Variants in RBPMS observed in about 807,000 individuals in gnomAD.
RBPMS encodes RNA-binding protein with multiple splicing.
A neutral mutation model predicts 26.8 loss-of-function variants in RBPMS; 7 were observed. That is an observed-to-expected ratio of 0.26 (90% CI 0.15 to 0.49). The LOEUF (loss-of-function observed/expected upper bound fraction) is 0.49, where lower values mean the gene tolerates loss of function less well. Ranked by LOEUF, RBPMS falls within the 20% of genes least tolerant of loss-of-function variation. The pLI is 0.98. For missense variants in RBPMS, 186 were observed against 250.0 expected (o/e 0.74, Z 1.73); for synonymous variants, 96 against 93.3 (o/e 1.03, Z -0.17).
chr8:30,549,443 C>G (rs1826115529), intron 6 of RBPMS: 8 of 1,450,080 alleles, frequency 5.5e-6, no homozygotes, highest in Non-Finnish European at 7.8e-6. Flanking sequence ...CCATTGTTTT[C>G]AGACATAAAT....
At chr8:30,564,424 C>G (rs767969979) in intron 7 of RBPMS, 10 of 152,232 alleles carry the variant, frequency 6.6e-5, no homozygotes, top group Non-Finnish European at 1.5e-4. Flanking sequence ...GCTCTGGAGT[C>G]TGTTATGGTT....
chr8:30,520,019 T>G (rs1822860593), intron 5 of RBPMS, among the ~76,000 whole-genome samples: 1 of 152,168 alleles, frequency 6.6e-6, no homozygotes, highest in Non-Finnish European at 1.5e-5. Context: ...CTGTGTACTT[T>G]ATATGACATC....
At chr8:30,448,724 A>G (rs1563328510) in intron 1 of RBPMS, among the ~76,000 whole-genome samples, 1 of 152,214 alleles carries the variant, frequency 6.6e-6, no homozygotes, top group African/African-American at 2.4e-5. Flanking sequence ...TGTTGAACCA[A>G]GTTATTTTGA....
rs1306396224 is a variant in RBPMS at position 30,469,550 on chromosome 8, T to C, written c.67-5229T>C. Among the ~76,000 whole-genome samples, 3 of 152,270 alleles carry C rather than the reference T, an allele frequency of 2.0e-5. No individual in the cohort carries two copies. The East Asian group carries it at 5.8e-4, about 29-fold the overall frequency. On this transcript the variant is annotated intron_variant, in intron 1 of 8. Transcript: ENST00000397323. ...TTGAAGGTACATCTACAAATCTTTTTGAGTCTCTTTGGGACAAAGCTGTCA... is the reference window on the plus strand; with the variant it reads ...TTGAAGGTACATCTACAAATCTTTTCGAGTCTCTTTGGGACAAAGCTGTCA...
At chr8:30,428,064 A>C (rs1048188681) in intron 1 of RBPMS, among the ~76,000 whole-genome samples, 23 of 128,632 alleles carry the variant, frequency 1.8e-4, no homozygotes, top group African/African-American at 6.3e-4. Context: ...TTACTCTGTC[A>C]CCAGGCTGGA....
At chr8:30,556,043 A>C in intron 6 of RBPMS, 1 of 985,446 alleles carries the variant, frequency 1.0e-6, no homozygotes. Context: ...AGCTGGGCGC[A>C]GCGGAGCCTC....
chr8:30,449,232 G>T (rs1187236497), intron 1 of RBPMS, among the ~76,000 whole-genome samples: 1 of 152,092 alleles, frequency 6.6e-6, no homozygotes, highest in African/African-American at 2.4e-5. Flanking sequence ...TGTTGTTGTT[G>T]TTTTTGTTTA....
At chr8:30,445,467 T>G (rs1813618398) in intron 1 of RBPMS, 1 of 151,970 alleles carries the variant, frequency 6.6e-6, no homozygotes, top group African/African-American at 2.4e-5. Context: ...TTGGCTTATA[T>G]CTGAAGAACT....
intron 1 of RBPMS, among the ~76,000 whole-genome samples, chr8:30,435,801 T>C (rs976830823): frequency 5.3e-5 from 8 of 152,030 alleles, no homozygotes; most frequent in Non-Finnish European, 8.8e-5. Context: ...CAACCTTTGG[T>C]TAGATAATTA....
In RBPMS at chr8:30,571,207, A is replaced by AG. The variant is rs886874521; in HGVS notation, c.*684dup. On this transcript the variant is annotated 3_prime_UTR_variant, in exon 9 of 9. Coordinates refer to ENST00000397323, the MANE Select transcript of RBPMS (RefSeq NM_001008710.3). ...GCAAGACAATCAACCAGAAGCCTCC[A>AG]GGAGCTTCTACCTATGGCTTATTCA... The AG allele has an allele frequency of 6.6e-6, 1 of 152,224 alleles. No individual in the cohort carries two copies. Among genetic ancestry groups the AG allele is most frequent in the South Asian group, 2.1e-4 (1 of 4,834 alleles). 9.4% of individuals were successfully genotyped at this position (152,224 alleles called of 1,614,324 possible).
chr8:30,506,554 C>T (rs370935871), intron 5 of RBPMS, among the ~76,000 whole-genome samples: 11 of 152,216 alleles, frequency 7.2e-5, no homozygotes, highest in East Asian at 5.8e-4. Flanking sequence ...TGGAAGCATA[C>T]GGCAAGACTA....
intron 5 of RBPMS, among the ~76,000 whole-genome samples, chr8:30,512,593 C>G (rs928951892): frequency 2.0e-5 from 3 of 151,976 alleles, no homozygotes; most frequent in African/African-American, 4.8e-5. Context: ...GGCTGAAGCC[C>G]GAGTGATCCT....
At chr8:30,557,288 A>T (rs114336061) in intron 6 of RBPMS, among the ~76,000 whole-genome samples, 7 of 152,250 alleles carry the variant, frequency 4.6e-5, no homozygotes, top group Admixed American at 1.3e-4. Context: ...GGGGAGGAGG[A>T]GGTTCCCAGG....
At chr8:30,512,384 T>C (rs1157542838) in intron 5 of RBPMS, among the ~76,000 whole-genome samples, 1 of 152,222 alleles carries the variant, frequency 6.6e-6, no homozygotes. Context: ...AACATGGCCA[T>C]ACTATTCTTA....
chr8:30,424,405 T>C (rs1811127112), intron 1 of RBPMS, among the ~76,000 whole-genome samples: 1 of 152,238 alleles, frequency 6.6e-6, no homozygotes, highest in Non-Finnish European at 1.5e-5. Context: ...ATCATTGTTA[T>C]AATTATTTGA....
At chr8:30,477,280 A>T (rs1585598605) in intron 2 of RBPMS, among the ~76,000 whole-genome samples, 1 of 151,888 alleles carries the variant, frequency 6.6e-6, no homozygotes, top group Non-Finnish European at 1.5e-5. Context: ...CGATCTCCAG[A>T]CCTCATGATC....
At chr8:30,488,102 A>T (rs1031450126) in intron 4 of RBPMS, among the ~76,000 whole-genome samples, 3 of 152,312 alleles carry the variant, frequency 2.0e-5, no homozygotes, top group Middle Eastern at 3.4e-3. Flanking sequence ...TGAATTTTTA[A>T]ATCTGGTTTC....
intron 1 of RBPMS, among the ~76,000 whole-genome samples, chr8:30,434,107 ACT>A (rs35116035): frequency 0.12 from 18,748 of 151,824 alleles, 2,635 homozygotes; most frequent in African/African-American, 0.35. Context: ...ACAGAGCGAG[ACT>A]CTGTCTCAAA....
At chr8:30,411,542 A>G (rs1410223844) in intron 1 of RBPMS, among the ~76,000 whole-genome samples, 1 of 151,888 alleles carries the variant, frequency 6.6e-6, no homozygotes, top group East Asian at 1.9e-4. Context: ...GCATGTGCCT[A>G]TAGTCTCAGC....
Sources: gnomAD v4.1 joint callset for allele counts (sites outside exome capture counted in the v4.1 genomes callset) on GRCh38, gnomAD v4.1.1 for gene constraint, MANE v1.5 for transcripts, NCBI Gene and HGNC (gene_info 2026-07-23, HGNC 2026-07-21) for gene names.